The following PDE4D variants were observed in gnomAD, a reference collection of about 807,000 sequenced individuals.
PDE4D encodes the protein phosphodiesterase 4D.
In PDE4D, 24 loss-of-function variants were observed where a neutral mutation model predicts 87.4. That is an observed-to-expected ratio of 0.27 (90% CI 0.20 to 0.39). The LOEUF is 0.39. Ranked by LOEUF, PDE4D falls within the 10% of genes least tolerant of loss-of-function variation. The probability of loss-of-function intolerance (pLI) is 1.00; values close to 1 mark genes in which losing one functional copy is unlikely to be tolerated. For missense variants in PDE4D, 714 were observed against 1,041.0 expected, an observed-to-expected ratio of 0.69 and a Z score of 4.32; for synonymous variants, 384 against 383.2, an observed-to-expected ratio of 1.00 and a Z score of -0.02.
chr5:59,135,530 G>T (rs1776925676), intron 5 of PDE4D, among the ~76,000 whole-genome samples: 1 of 152,106 alleles, frequency 6.6e-6, no homozygotes, highest in Non-Finnish European at 1.5e-5. Context: ...GAGATTCTGG[G>T]CCTTTAAACA....
At chr5:60,009,465 C>A (rs1350737685) in intron 2 of PDE4D, among the ~76,000 whole-genome samples, 1 of 151,924 alleles carries the variant, frequency 6.6e-6, no homozygotes, top group Non-Finnish European at 1.5e-5. Context: ...GACAAACATT[C>A]CTGCCTTCAT....
chr5:59,352,599 T>A (rs943016447), intron 1 of PDE4D, among the ~76,000 whole-genome samples: 22 of 152,192 alleles, frequency 1.4e-4, no homozygotes, highest in African/African-American at 4.6e-4. Context: ...TCTCCTATGA[T>A]CCCTGTTCAT....
chr5:59,401,983 C>T (rs1032729344), intron 1 of PDE4D, among the ~76,000 whole-genome samples: 15 of 152,106 alleles, frequency 9.9e-5, no homozygotes, highest in Non-Finnish European at 1.8e-4. Flanking sequence ...GCCAACCACC[C>T]GAAGGTCAAA....
At chr5:60,286,577 C>T (rs1368841358) in intron 1 of PDE4D, among the ~76,000 whole-genome samples, 2 of 152,130 alleles carry the variant, frequency 1.3e-5, no homozygotes, top group Non-Finnish European at 2.9e-5. Context: ...TTTGAAACTC[C>T]AGCCCATTAC....
chr5:59,093,985 T>C (rs12110099), intron 5 of PDE4D, among the ~76,000 whole-genome samples: 10,724 of 151,808 alleles, frequency 0.071, 1,283 homozygotes, highest in African/African-American at 0.24. Flanking sequence ...TTTGGGAGGC[T>C]GAGGTGGGCG....
chr5:59,210,746 T>A (rs1273333410), intron 2 of PDE4D, among the ~76,000 whole-genome samples: 1 of 152,180 alleles, frequency 6.6e-6, no homozygotes, highest in African/African-American at 2.4e-5. Context: ...GCCGATTGGA[T>A]CATCTTTGCA....
chr5:60,061,749 A>G (rs1290582846), intron 2 of PDE4D, among the ~76,000 whole-genome samples: 3 of 152,194 alleles, frequency 2.0e-5, no homozygotes, highest in East Asian at 3.9e-4. Context: ...CCAATGGAAC[A>G]GAATAGAGAC....
At chr5:59,238,260 G>A (rs1756911030) in intron 1 of PDE4D, among the ~76,000 whole-genome samples, 1 of 152,116 alleles carries the variant, frequency 6.6e-6, no homozygotes, top group Non-Finnish European at 1.5e-5. Context: ...CTAATAATAG[G>A]CATGGTTAGC....
chr5:59,523,547 A>G (rs1362612490), intron 1 of PDE4D, among the ~76,000 whole-genome samples: 2 of 152,240 alleles, frequency 1.3e-5, no homozygotes, highest in African/African-American at 2.4e-5. Context: ...CCTCAGTTGT[A>G]TTACAATCAT....
intron 1 of PDE4D, among the ~76,000 whole-genome samples, chr5:59,854,573 T>C (rs558498735): frequency 1.3e-5 from 2 of 152,256 alleles, no homozygotes; most frequent in Admixed American, 1.3e-4. Flanking sequence ...ATATAAGCAT[T>C]GAGGATATTT....
intron 5 of PDE4D, among the ~76,000 whole-genome samples, chr5:59,144,039 TCA>T (rs1174676968): frequency 6.6e-6 from 1 of 152,218 alleles, no homozygotes; most frequent in Non-Finnish European, 1.5e-5. Flanking sequence ...TAGCTGCTAG[TCA>T]CATGCTTTAA....
chr5:59,056,834 A>C (rs1580560835), intron 5 of PDE4D, among the ~76,000 whole-genome samples: 1 of 152,184 alleles, frequency 6.6e-6, no homozygotes, highest in Admixed American at 6.5e-5. Context: ...CACATTAAAA[A>C]TGACTTTTTA....
chr5:59,936,456 T>A (rs1318678119), intron 3 of PDE4D, among the ~76,000 whole-genome samples: 1 of 152,216 alleles, frequency 6.6e-6, no homozygotes, highest in African/African-American at 2.4e-5. Context: ...CATTTATTAA[T>A]GTTTGAGAAG....
chr5:60,164,761 T>C (rs1782743821), intron 2 of PDE4D, among the ~76,000 whole-genome samples: 1 of 152,198 alleles, frequency 6.6e-6, no homozygotes, highest in Non-Finnish European at 1.5e-5. Context: ...TTGTTTTGTT[T>C]CTTAATTGAC....
chr5:59,356,629 C>G, intron 1 of PDE4D: 1 of 704,758 alleles, frequency 1.4e-6, no homozygotes, highest in East Asian at 3.3e-5. Context: ...CTTCTTGGCT[C>G]TTATTTAATA....
chr5:60,470,817 C>T (rs540327407), intron 1 of PDE4D, among the ~76,000 whole-genome samples: 4 of 152,228 alleles, frequency 2.6e-5, no homozygotes, highest in South Asian at 2.1e-4. Flanking sequence ...TATTACTGCT[C>T]ATTGACAATG....
chr5:60,319,718 T>G (rs563677642), intron 1 of PDE4D, among the ~76,000 whole-genome samples: 15 of 152,350 alleles, frequency 9.8e-5, no homozygotes, highest in African/African-American at 3.6e-4. Context: ...ACCCTCAGCT[T>G]CAGGTCTGTT....
In PDE4D at chr5:60,431,057, G is replaced by A. The variant is rs575215295; in HGVS notation, c.-90+56885C>T. On this transcript the variant is annotated intron_variant, in intron 1 of 16. Coordinates refer to the PDE4D transcript ENST00000502484. ...TGGCCCGTTCTCAATGAGCTGTTGG[G>A]TACACCTCCCAGATGGGGTGGTGGC... 2,044 of 249,446 alleles carry A rather than the reference G, an allele frequency of 8.2e-3. 40 individuals are homozygous for A. Among genetic ancestry groups the A allele is most frequent in the African/African-American group, 0.045 (1,885 of 42,204 alleles). The allele number at this position is 249,446 out of a possible 1,614,324, so 15.5% of individuals were successfully genotyped here. A position where few individuals can be genotyped will look rare whatever the true frequency, so the allele number is the denominator to read the frequency against.
chr5:60,272,503 G>A (rs1262586960), intron 1 of PDE4D, among the ~76,000 whole-genome samples: 1 of 152,190 alleles, frequency 6.6e-6, no homozygotes, highest in Non-Finnish European at 1.5e-5. Context: ...AGATCTTTTA[G>A]AATGGCATTG....
Sources: gnomAD v4.1 joint callset for allele counts (sites outside exome capture counted in the v4.1 genomes callset) on GRCh38, gnomAD v4.1.1 for gene constraint, MANE v1.5 for transcripts, NCBI Gene and HGNC (gene_info 2026-07-23, HGNC 2026-07-21) for gene names.